Variants in SLC9A1 observed in about 807,000 individuals in gnomAD.
SLC9A1 encodes the protein sodium/hydrogen exchanger 1.
A neutral mutation model predicts 67.9 loss-of-function variants in SLC9A1; 22 were observed. The ratio of observed to expected loss-of-function variants is 0.32; its 90% confidence interval spans 0.23 to 0.46. The LOEUF (loss-of-function observed/expected upper bound fraction) is 0.46, where lower values mean the gene tolerates loss of function less well. Ranked by LOEUF, SLC9A1 falls within the 20% of genes least tolerant of loss-of-function variation. The pLI, the probability that SLC9A1 is intolerant of heterozygous loss-of-function variation, is 1.00. For missense variants in SLC9A1, 686 were observed against 1,094.8 expected (o/e 0.63, Z 5.27); for synonymous variants, 421 against 471.8 (o/e 0.89, Z 1.40).
chr1:27,124,128 A>C (rs2083325075), intron 1 of SLC9A1, among the ~76,000 whole-genome samples: 1 of 151,958 alleles, frequency 6.6e-6, no homozygotes, highest in Non-Finnish European at 1.5e-5. Context: ...TGCTGTCAGG[A>C]CTTACAGATG....
intron 1 of SLC9A1, among the ~76,000 whole-genome samples, chr1:27,132,989 T>C (rs2083396299): frequency 6.6e-6 from 1 of 152,020 alleles, no homozygotes; most frequent in African/African-American, 2.4e-5. Context: ...GGAAATCTTA[T>C]CATGCCAAAT....
Position 27,109,418 on chromosome 1 carries a change from C to T in SLC9A1, c.1064+109G>A. 1.8e-5 allele frequency: 22 copies of T among 1,231,592 alleles called. No individual in the cohort carries two copies. Among genetic ancestry groups the T allele is most frequent in the Non-Finnish European group, 2.3e-5 (20 of 862,832 alleles). The allele number at this position is 1,231,592 out of a possible 1,614,324, so 76.3% of individuals were successfully genotyped here. On this transcript the variant is annotated intron_variant, in intron 3 of 11. Transcript: ENST00000263980. The surrounding 1 kb of genome is among the most constrained non-coding windows in gnomAD (Gnocchi z 5.5). Reference sequence around the variant, plus strand: ...TGGAGTTCATGTCTCATCCCTGGAGCTCAAGGCTGGGCCCTGGGAGCTCCG... The same window carrying T: ...TGGAGTTCATGTCTCATCCCTGGAGTTCAAGGCTGGGCCCTGGGAGCTCCG...
intron 1 of SLC9A1, among the ~76,000 whole-genome samples, chr1:27,124,583 C>T (rs768870069): frequency 6.6e-6 from 1 of 152,176 alleles, no homozygotes; most frequent in Non-Finnish European, 1.5e-5. Context: ...ACAAGGAATG[C>T]GGGGGACCGC....
At chr1:27,129,753 T>C (rs1291370140) in intron 1 of SLC9A1, among the ~76,000 whole-genome samples, 1 of 152,162 alleles carries the variant, frequency 6.6e-6, no homozygotes, top group Non-Finnish European at 1.5e-5. Context: ...GCTTGGAACA[T>C]GGTGCCAACC....
chr1:27,124,976 G>T (rs2083331083), intron 1 of SLC9A1, among the ~76,000 whole-genome samples: 1 of 152,050 alleles, frequency 6.6e-6, no homozygotes, highest in Non-Finnish European at 1.5e-5. Context: ...GCTCCTGACA[G>T]GAAATTCTTA....
chr1:27,101,485 A>G lies in SLC9A1; in HGVS notation c.2038-210T>C, dbSNP rs2083144361. Among the ~76,000 whole-genome samples the G allele has an allele frequency of 6.6e-6, 1 of 151,970 alleles. No individual in the cohort carries two copies. The highest frequency in any genetic ancestry group is 6.6e-5 in the Admixed American group (1 of 15,266). On this transcript the variant is annotated intron_variant, in intron 10 of 11. Coordinates refer to ENST00000263980, the MANE Select transcript of SLC9A1 (RefSeq NM_003047.5). This position sits in a 1 kb window ranked among gnomAD's most constrained non-coding sequence, Gnocchi z 4.9. The stretch of plus-strand genomic sequence containing the variant: ...TCACAGCCTCCCTGAATACACCTAC[A>G]CTGCTCAGCCTTAAATCCACCCATT...
chr1:27,144,383 G>A (rs1322832803), intron 1 of SLC9A1, among the ~76,000 whole-genome samples: 3 of 152,164 alleles, frequency 2.0e-5, no homozygotes, highest in Non-Finnish European at 4.4e-5. Context: ...ACCCCACCCG[G>A]CCCAGAGAAG....
At chr1:27,151,744 A>T (rs2083529838) in intron 1 of SLC9A1, among the ~76,000 whole-genome samples, 1 of 152,186 alleles carries the variant, frequency 6.6e-6, no homozygotes, top group Non-Finnish European at 1.5e-5. Context: ...TCCACACTGC[A>T]AAGGTGAAGC....
At position 27,150,504 on chromosome 1, in the gene SLC9A1, G is replaced by A. The variant is rs562471894; in HGVS notation, c.352+3479C>T. ...GGGAGTCAGGTGAACATGGAACAAA[G>A]CAGAGTTCATGCGGGGTCCACAGCA... On this transcript the variant is annotated intron_variant, in intron 1 of 11. Transcript: ENST00000263980. Among the ~76,000 whole-genome samples, 10 of 152,314 alleles carry A rather than the reference G, an allele frequency of 6.6e-5. No homozygotes were observed. The South Asian group carries it at 1.7e-3, about 25-fold the overall frequency.
chr1:27,123,409 G>A (rs71638510), intron 1 of SLC9A1, among the ~76,000 whole-genome samples: 32,141 of 152,054 alleles, frequency 0.21, 3,612 homozygotes, highest in Non-Finnish European at 0.25. Context: ...CTGCTTCTAT[G>A]GGGCAGAGAC....
At chr1:27,134,962 C>A (rs1427550409) in intron 1 of SLC9A1, among the ~76,000 whole-genome samples, 1 of 151,810 alleles carries the variant, frequency 6.6e-6, no homozygotes, top group Admixed American at 6.6e-5. Context: ...GTCTCCAACT[C>A]CTGACCTCAG....
At chr1:27,143,214 C>T (rs1026409154) in intron 1 of SLC9A1, among the ~76,000 whole-genome samples, 8 of 152,180 alleles carry the variant, frequency 5.3e-5, no homozygotes, top group Admixed American at 2.0e-4. Context: ...ATCATCCAGT[C>T]CATCCTCTCA....
chr1:27,133,953 C>T (rs1047034275), intron 1 of SLC9A1, among the ~76,000 whole-genome samples: 4 of 151,802 alleles, frequency 2.6e-5, no homozygotes, highest in Non-Finnish European at 4.4e-5. Context: ...TTAGTAGAGA[C>T]GGAGTTTCAC....
In SLC9A1 at chr1:27,154,252, A is replaced by C; in HGVS notation, c.83T>G (p.Leu28Arg). 6.2e-7 allele frequency: 1 copy of C among 1,613,944 alleles called. No homozygotes were observed. Among genetic ancestry groups the C allele is most frequent in the Non-Finnish European group, 8.5e-7 (1 of 1,179,908 alleles). ...GCCATGGCTCCTGAGAACAGGCAGC[A>C]GCCCCACCAAAGCAACCACCACGAG... is the stretch of plus-strand genomic sequence containing the variant. ...SLLVVVALVG[L>R]LPVLRSHGLQ... The change falls in exon 1 of 12, where the codon CTG (leucine) becomes CGG (arginine). Residue 28 changes from leucine to arginine, a missense_variant. Coordinates refer to ENST00000263980, the MANE Select transcript of SLC9A1 (RefSeq NM_003047.5).
chr1:27,145,036 G>A (rs185898838), intron 1 of SLC9A1, among the ~76,000 whole-genome samples: 356 of 134,444 alleles, frequency 2.6e-3, no homozygotes, highest in African/African-American at 8.7e-3. Context: ...CAACCCAGGC[G>A]AAGAGCAAGA....
chr1:27,127,397 A>G lies in SLC9A1; in HGVS notation c.353-13111T>C, dbSNP rs903949509. Among the ~76,000 whole-genome samples, 11 of 152,218 alleles carry G rather than the reference A, an allele frequency of 7.2e-5. No homozygotes were observed. The South Asian group carries it at 1.2e-3, about 17-fold the overall frequency. On this transcript the variant is annotated intron_variant, in intron 1 of 11. Transcript: ENST00000263980. The stretch of plus-strand genomic sequence containing the variant: ...CAGACTTTTCTCTCGCCCTCACAAC[A>G]TGCCCTGGCAGTGGGCAACAGATGA...
intron 1 of SLC9A1, among the ~76,000 whole-genome samples, chr1:27,127,079 C>T (rs1243501588): frequency 6.6e-6 from 1 of 152,198 alleles, no homozygotes; most frequent in Non-Finnish European, 1.5e-5. Context: ...TGGCTCACTG[C>T]AGCCTTGACT....
rs540335380 is a variant in SLC9A1 at position 27,140,964 on chromosome 1, T to G, written c.352+13019A>C. 4.6e-5 allele frequency among the ~76,000 whole-genome samples: 7 copies of G among 152,082 alleles called. No homozygotes were observed. In the South Asian group the frequency reaches 1.5e-3, roughly 32 times the overall value. ...AGCTCACGCCTGTAATCCCAGCAAT[T>G]TGGGAGGACAAGCTGGGGGGATCAC... On this transcript the variant is annotated intron_variant, in intron 1 of 11. Coordinates refer to ENST00000263980, the MANE Select transcript of SLC9A1 (RefSeq NM_003047.5).
In SLC9A1 at chr1:27,114,429, G is replaced by A. The variant is rs903486281; in HGVS notation, c.353-143C>T. 1 of 639,528 alleles carries A rather than the reference G, an allele frequency of 1.6e-6. No homozygotes were observed. The highest frequency in any genetic ancestry group is 2.9e-5 in the Admixed American group (1 of 33,984). The allele number at this position is 639,528 out of a possible 1,614,324, so 39.6% of individuals were successfully genotyped here. Reference sequence around the variant, plus strand: ...CAGAGGGCTGCTCTGTTAACTCTCTGAGCCTCCGCTTCCTCGCCTGTAAAA... The same window carrying A: ...CAGAGGGCTGCTCTGTTAACTCTCTAAGCCTCCGCTTCCTCGCCTGTAAAA... On this transcript the variant is annotated intron_variant, in intron 1 of 11. Coordinates refer to ENST00000263980, the MANE Select transcript of SLC9A1 (RefSeq NM_003047.5). This position sits in a 1 kb window ranked among gnomAD's most constrained non-coding sequence, Gnocchi z 5.4.
Sources: allele counts gnomAD v4.1 joint callset (sites outside exome capture counted in the v4.1 genomes callset), GRCh38; gene constraint gnomAD v4.1.1; non-coding constraint Gnocchi (gnomAD v3.1); transcripts MANE v1.5; gene names NCBI Gene and HGNC (gene_info 2026-07-23, HGNC 2026-07-21).